Variants in CADM2 observed in about 807,000 individuals in gnomAD.
CADM2 encodes the protein cell adhesion molecule 2.
Under a neutral mutation model 49.8 loss-of-function variants are expected in CADM2, and 12 were observed. The observed-to-expected ratio is 0.24, with a 90% CI of 0.15 to 0.39. CADM2 has a LOEUF of 0.39. Among genes scored for constraint, CADM2 ranks in the 10% least tolerant of loss-of-function variants. The probability of loss-of-function intolerance (pLI) is 1.00; values close to 1 mark genes in which losing one functional copy is unlikely to be tolerated. For missense variants in CADM2, 378 were observed against 492.3 expected, an observed-to-expected ratio of 0.77 and a Z score of 2.20; for synonymous variants, 214 against 175.4, an observed-to-expected ratio of 1.22 and a Z score of -1.74.
At chr3:85,794,537 T>A (rs1478309510) in intron 2 of CADM2, among the ~76,000 whole-genome samples, 1 of 152,128 alleles carries the variant, frequency 6.6e-6, no homozygotes, top group Non-Finnish European at 1.5e-5. Flanking sequence ...AAATAATAAA[T>A]GTAACTTGCT....
chr3:85,834,858 A>G (rs988548653), intron 3 of CADM2, among the ~76,000 whole-genome samples: 1 of 151,648 alleles, frequency 6.6e-6, no homozygotes, highest in Non-Finnish European at 1.5e-5. Context: ...AATTTCCTCA[A>G]TTTGAGTGTA....
chr3:85,049,133 C>T (rs1193948038), intron 1 of CADM2, among the ~76,000 whole-genome samples: 1 of 151,948 alleles, frequency 6.6e-6, no homozygotes, highest in Non-Finnish European at 1.5e-5. Context: ...GGCTAATTGG[C>T]CTGGTGGTTC....
intron 7 of CADM2, among the ~76,000 whole-genome samples, chr3:85,943,477 T>C (rs796642585): frequency 6.7e-6 from 1 of 149,920 alleles, no homozygotes; most frequent in East Asian, 2.0e-4. Flanking sequence ...AGGTCTAACG[T>C]TTAAGTCTTT....
intron 1 of CADM2, among the ~76,000 whole-genome samples, chr3:85,546,549 G>C: frequency 6.6e-6 from 1 of 151,918 alleles, no homozygotes; most frequent in South Asian, 2.1e-4. Flanking sequence ...TGGGCTCCAA[G>C]AAATTAAAAT....
chr3:85,347,640 C>CATAT (rs140172427), intron 1 of CADM2, among the ~76,000 whole-genome samples: 9 of 57,024 alleles, frequency 1.6e-4, no homozygotes, highest in African/African-American at 3.7e-4. Context: ...AATATATATA[C>CATAT]ATATATATAT....
intron 1 of CADM2, among the ~76,000 whole-genome samples, chr3:84,989,924 A>T (rs1160280468): frequency 6.6e-6 from 1 of 151,966 alleles, no homozygotes; most frequent in African/African-American, 2.4e-5. Context: ...GCAGTAAAAG[A>T]AAAAAGTTAT....
At chr3:85,463,227 C>T (rs1209391513) in intron 1 of CADM2, among the ~76,000 whole-genome samples, 1 of 152,052 alleles carries the variant, frequency 6.6e-6, no homozygotes, top group Non-Finnish European at 1.5e-5. Flanking sequence ...TTTCATAGGC[C>T]TTGTGAATGT....
chr3:85,696,075 A>G (rs2107693773), intron 1 of CADM2, among the ~76,000 whole-genome samples: 1 of 152,060 alleles, frequency 6.6e-6, no homozygotes, highest in African/African-American at 2.4e-5. Context: ...CTTTTTTGAG[A>G]AATGTTCATG....
In CADM2 at chr3:85,240,405, A is replaced by G. The variant is rs558748997; in HGVS notation, c.61+280737A>G. 1.3e-4 allele frequency among the ~76,000 whole-genome samples: 19 copies of G among 151,652 alleles called. 1 individual carries two copies. In the East Asian group the frequency reaches 3.7e-3, roughly 29 times the overall value. On this transcript the variant is annotated intron_variant, in intron 1 of 9. Transcript: ENST00000383699. The stretch of plus-strand genomic sequence containing the variant: ...CTTTAAGAAAATGAATGTTAGTGCT[A>G]TCATATATCAACTTTAGTCATAATG...
intron 1 of CADM2, among the ~76,000 whole-genome samples, chr3:85,669,969 T>G (rs2065686887): frequency 8.0e-6 from 1 of 125,604 alleles, no homozygotes; most frequent in South Asian, 2.5e-4. Context: ...GGTTCTTTTC[T>G]CAGTTAGGCT....
chr3:85,014,087 A>C (rs547270122), intron 1 of CADM2, among the ~76,000 whole-genome samples: 39 of 145,554 alleles, frequency 2.7e-4, no homozygotes, highest in African/African-American at 8.5e-4. Flanking sequence ...ATATATACGC[A>C]GTGTAAAATT....
intron 1 of CADM2, among the ~76,000 whole-genome samples, chr3:85,443,381 G>A (rs983582310): frequency 6.6e-6 from 1 of 151,940 alleles, no homozygotes; most frequent in African/African-American, 2.4e-5. Flanking sequence ...GTAATCTTTG[G>A]AACAGCTATT....
At chr3:85,897,021 A>G (rs1715304062) in intron 5 of CADM2, among the ~76,000 whole-genome samples, 1 of 152,036 alleles carries the variant, frequency 6.6e-6, no homozygotes, top group African/African-American at 2.4e-5. Context: ...ATAGAGTTTC[A>G]GAACCCGTGG....
In CADM2 at chr3:85,505,892, G is replaced by T. The variant is rs77801122; in HGVS notation, c.62-220630G>T. Among the ~76,000 whole-genome samples, 918 of 152,064 alleles carry T rather than the reference G, an allele frequency of 6.0e-3. 13 individuals are homozygous for T. The highest frequency in any genetic ancestry group is 0.021 in the African/African-American group (874 of 41,476). ...TTTTGCTTTCGGTTATTGTTTTTGG[G>T]TTTTTTTGGTATGTTAAATTCATAA... On this transcript the variant is annotated intron_variant, in intron 1 of 9. Transcript: ENST00000383699.
chr3:85,305,152 A>G (rs2044184117), intron 1 of CADM2, among the ~76,000 whole-genome samples: 1 of 151,610 alleles, frequency 6.6e-6, no homozygotes, highest in Non-Finnish European at 1.5e-5. Context: ...AATTTTTTAT[A>G]AATGACTTTT....
rs577380550 is a variant in CADM2, at chr3:85,886,219, T to C, written c.421T>C (p.Phe141Leu). 1 of 1,613,696 alleles carries C rather than the reference T, an allele frequency of 6.2e-7. No homozygotes were observed. Among genetic ancestry groups the C allele is most frequent in the South Asian group, 1.1e-5 (1 of 91,064 alleles). ...TCCTGAAAAGCCTCAGATTAGTGGA[T>C]TCTCATCACCAGTTATGGAGGGTGA... Reference protein sequence around the residue: ...GVPEKPQISGFSSPVMEGDLM... With the variant: ...GVPEKPQISGLSSPVMEGDLM... The change falls in exon 5 of 10, where the codon TTC (phenylalanine) becomes CTC (leucine). Residue 141 changes from phenylalanine (F) to leucine (L), a missense_variant. Phe to Leu is a conservative substitution (Grantham distance 22, BLOSUM62 0). Coordinates refer to ENST00000383699, the MANE Select transcript of CADM2 (RefSeq NM_001167675.2).
At chr3:85,683,222 GA>G (rs11439176) in intron 1 of CADM2, among the ~76,000 whole-genome samples, 1 of 151,550 alleles carries the variant, frequency 6.6e-6, no homozygotes, top group South Asian at 2.1e-4. Context: ...TCTCTTGAAG[GA>G]AAAAAAAGGA....
chr3:85,791,521 GGA>G (rs373247946), intron 2 of CADM2, among the ~76,000 whole-genome samples: 21 of 131,268 alleles, frequency 1.6e-4, no homozygotes, highest in East Asian at 9.3e-4. Flanking sequence ...GGGTGGGGAG[GGA>G]GAGAGAGAGA....
intron 1 of CADM2, among the ~76,000 whole-genome samples, chr3:85,301,903 A>G (rs1393506119): frequency 6.6e-6 from 1 of 152,100 alleles, no homozygotes; most frequent in Non-Finnish European, 1.5e-5. Context: ...AAATTTTTAA[A>G]AGGTTATATG....
Sources: gnomAD v4.1 joint callset for allele counts (sites outside exome capture counted in the v4.1 genomes callset) on GRCh38, gnomAD v4.1.1 for gene constraint, MANE v1.5 for transcripts, NCBI Gene and HGNC (gene_info 2026-07-23, HGNC 2026-07-21) for gene names.